DOK5: variants seen among roughly 807,000 people sequenced by gnomAD.
DOK5 encodes downstream of tyrosine kinase 5.
DOK5 carries 27 observed loss-of-function variants against 43.3 expected under a neutral mutation model. The ratio of observed to expected loss-of-function variants is 0.62; its 90% confidence interval spans 0.46 to 0.86. The LOEUF (loss-of-function observed/expected upper bound fraction) is 0.86, where lower values mean the gene tolerates loss of function less well. Among genes scored for constraint, DOK5 ranks in the 40% least tolerant of loss-of-function variants. The probability of loss-of-function intolerance (pLI) is 0.00; values close to 1 mark genes in which losing one functional copy is unlikely to be tolerated. For synonymous variants in DOK5, 146 were observed against 140.1 expected, an observed-to-expected ratio of 1.04 and a Z score of -0.30; for missense variants, 373 against 392.9, an observed-to-expected ratio of 0.95 and a Z score of 0.43.
At chr20:54,543,307 A>G (rs975956902) in intron 1 of DOK5, among the ~76,000 whole-genome samples, 5 of 109,844 alleles carry the variant, frequency 4.6e-5, no homozygotes, top group African/African-American at 1.8e-4. Flanking sequence ...AAGGAGGCAA[A>G]TCTAGCTTCG....
intron 1 of DOK5, among the ~76,000 whole-genome samples, chr20:54,514,124 C>G (rs1983108193): frequency 6.6e-6 from 1 of 152,180 alleles, no homozygotes. Flanking sequence ...GTTGGTACCT[C>G]CTAAGCCATC....
chr20:54,587,726 A>G (rs990558351), intron 2 of DOK5, among the ~76,000 whole-genome samples: 4 of 152,052 alleles, frequency 2.6e-5, no homozygotes, highest in Non-Finnish European at 4.4e-5. Context: ...GAGCCAAGGA[A>G]TTATGGGAGA....
intron 2 of DOK5, among the ~76,000 whole-genome samples, chr20:54,574,812 C>A (rs1192260103): frequency 6.6e-6 from 1 of 152,180 alleles, no homozygotes; most frequent in Non-Finnish European, 1.5e-5. Flanking sequence ...AATGCTAAGA[C>A]TGTTTGCTGA....
intron 7 of DOK5, among the ~76,000 whole-genome samples, chr20:54,644,722 A>AACAAACAAAAAAAAAAC (rs1568827238): frequency 6.8e-6 from 1 of 146,566 alleles, no homozygotes; most frequent in African/African-American, 2.5e-5. Flanking sequence ...AAAAAAAAAA[A>AACAAACAAAAAAAAAAC]AACAAAATTT....
chr20:54,604,778 A>G (rs1285931833), intron 5 of DOK5, among the ~76,000 whole-genome samples: 1 of 152,038 alleles, frequency 6.6e-6, no homozygotes, highest in Non-Finnish European at 1.5e-5. Context: ...AGGTGGATGG[A>G]TCACCCGAGG....
chr20:54,585,686 G>A (rs1469964268), intron 2 of DOK5, among the ~76,000 whole-genome samples: 3 of 152,204 alleles, frequency 2.0e-5, no homozygotes, highest in East Asian at 1.9e-4. Flanking sequence ...AGGCTTTAGG[G>A]TTAGTTTGCT....
chr20:54,523,534 C>G (rs536275568), intron 1 of DOK5, among the ~76,000 whole-genome samples: 6 of 152,272 alleles, frequency 3.9e-5, no homozygotes, highest in South Asian at 2.1e-4. Flanking sequence ...CCACTGCACT[C>G]AAGCCTGTGT....
chr20:54,508,067 G>A (rs915186197), intron 1 of DOK5, among the ~76,000 whole-genome samples: 2 of 152,164 alleles, frequency 1.3e-5, no homozygotes, highest in African/African-American at 4.8e-5. Flanking sequence ...AAGATGGCTT[G>A]GAGGAAATGT....
chr20:54,564,627 G>A (rs1288800877), intron 2 of DOK5, among the ~76,000 whole-genome samples: 4 of 151,656 alleles, frequency 2.6e-5, no homozygotes, highest in African/African-American at 9.7e-5. Flanking sequence ...CAGAGAGAGA[G>A]AAAAAAAATA....
At chr20:54,580,928 C>T (rs1422473965) in intron 2 of DOK5, among the ~76,000 whole-genome samples, 4 of 151,894 alleles carry the variant, frequency 2.6e-5, no homozygotes. Context: ...TGTTTTTGGT[C>T]TCATATCCAA....
chr20:54,626,230 C>T (rs73913639), intron 6 of DOK5, among the ~76,000 whole-genome samples: 1,594 of 152,248 alleles, frequency 0.01, 26 homozygotes, highest in African/African-American at 0.037. Context: ...CGAAGAACAC[C>T]GAGTGCAGAA....
At chr20:54,604,092 G>GC (rs1395392820) in intron 5 of DOK5, among the ~76,000 whole-genome samples, 1 of 151,506 alleles carries the variant, frequency 6.6e-6, no homozygotes. Flanking sequence ...GACTACAGGC[G>GC]CCCGCCACCA....
At chr20:54,528,492 A>G (rs954851061) in intron 1 of DOK5, among the ~76,000 whole-genome samples, 2 of 151,934 alleles carry the variant, frequency 1.3e-5, no homozygotes, top group Non-Finnish European at 2.9e-5. Context: ...TTGAAGCTCC[A>G]CGCATCATGT....
chr20:54,617,326 C>T (rs1473807141), intron 6 of DOK5, among the ~76,000 whole-genome samples: 1 of 151,886 alleles, frequency 6.6e-6, no homozygotes, highest in African/African-American at 2.4e-5. Context: ...CATAGTCTGT[C>T]GATTTTTTTT....
In DOK5 at chr20:54,591,769, G is replaced by T. The variant is rs375241390; in HGVS notation, c.563G>T (p.Gly188Val). The T allele has an allele frequency of 6.2e-7, 1 of 1,613,862 alleles. No individual in the cohort carries two copies. The highest frequency in any genetic ancestry group is 1.3e-5 in the African/African-American group (1 of 74,948). The part of the protein sequence containing the change: ...SWPLSALRRY[G>V]RDTTWFTFEA... ...CCGCTAAGCGCCCTGCGGCGGTATG[G>T]ACGTGATACTACGTGGTTCACTTTT... The change falls in exon 5 of 8, where the codon GGA becomes GTA. Residue 188 changes from glycine to valine, a missense_variant. Gly to Val is a moderately radical substitution (Grantham distance 109). Coordinates refer to ENST00000262593, the MANE Select transcript of DOK5 (RefSeq NM_018431.5).
intron 1 of DOK5, among the ~76,000 whole-genome samples, chr20:54,482,996 T>C (rs1402339826): frequency 6.6e-6 from 1 of 152,174 alleles, no homozygotes; most frequent in African/African-American, 2.4e-5. Flanking sequence ...GACGACTCAG[T>C]TATTTTGGCT....
intron 1 of DOK5, among the ~76,000 whole-genome samples, chr20:54,496,747 C>A (rs2146674165): frequency 8.8e-6 from 1 of 113,340 alleles, no homozygotes. Context: ...GGCTGGGCGA[C>A]AGAGCAAGAC....
intron 1 of DOK5, among the ~76,000 whole-genome samples, chr20:54,537,503 A>G (rs1983996665): frequency 6.6e-6 from 1 of 152,232 alleles, no homozygotes; most frequent in South Asian, 2.1e-4. Context: ...AAGAGAAATG[A>G]GATAGAAAGA....
chr20:54,527,138 A>G (rs1475177174), intron 1 of DOK5, among the ~76,000 whole-genome samples: 1 of 151,912 alleles, frequency 6.6e-6, no homozygotes, highest in East Asian at 1.9e-4. Context: ...GCCTGAAAAC[A>G]TGGATTTTGA....
Sources: gnomAD v4.1 joint callset for allele counts (sites outside exome capture counted in the v4.1 genomes callset) on GRCh38, gnomAD v4.1.1 for gene constraint, MANE v1.5 for transcripts, NCBI Gene and HGNC (gene_info 2026-07-23, HGNC 2026-07-21) for gene names.